The following CSMD1 variants were observed in gnomAD, a reference collection of about 807,000 sequenced individuals.
CSMD1 encodes the protein CUB and Sushi multiple domains 1.
In CSMD1, 213 loss-of-function variants were observed where a neutral mutation model predicts 417.5. The ratio of observed to expected loss-of-function variants is 0.51; its 90% confidence interval spans 0.46 to 0.57. The LOEUF is 0.57. Among genes scored for constraint, CSMD1 ranks in the 20% least tolerant of loss-of-function variants. The pLI, the probability that CSMD1 is intolerant of heterozygous loss-of-function variation, is 0.00. For synonymous variants in CSMD1, 2,862 were observed against 1,736.8 expected, an observed-to-expected ratio of 1.65 and a Z score of -16.11; for missense variants, 6,923 against 4,529.7, an observed-to-expected ratio of 1.53 and a Z score of -15.17.
chr8:3,257,229 C>T (rs1057230145), intron 26 of CSMD1, among the ~76,000 whole-genome samples: 2 of 152,178 alleles, frequency 1.3e-5, no homozygotes, highest in East Asian at 3.9e-4. Flanking sequence ...GAGGCTGAGG[C>T]AGGAGAATCG....
In CSMD1 at chr8:3,343,428, G is replaced by A; in HGVS notation, c.3497C>T (p.Ser1166Phe). 1 of 1,613,680 alleles carries A rather than the reference G, an allele frequency of 6.2e-7. No individual in the cohort carries two copies. Among genetic ancestry groups the A allele is most frequent in the Non-Finnish European group, 8.5e-7 (1 of 1,179,724 alleles). Reference protein sequence around the residue: ...TLKVYDGKDSSSRPLGTFTKN... With the variant: ...TLKVYDGKDSFSRPLGTFTKN... The stretch of plus-strand genomic sequence containing the variant: ...AGTGAACGTGCCCAGTGGACGTGAG[G>A]AACTGTCTTTTCCATCATATACCTG... Residue 1166 changes from serine (S) to phenylalanine (F), a missense_variant, in exon 23 of 70, where the codon TCC becomes TTC. Ser to Phe is a radical substitution (Grantham distance 155). Transcript: ENST00000635120.
intron 4 of CSMD1, among the ~76,000 whole-genome samples, chr8:4,031,411 C>A (rs1036329785): frequency 1.3e-5 from 2 of 152,136 alleles, no homozygotes; most frequent in African/African-American, 4.8e-5. Context: ...CAGGGGAACT[C>A]CTCTTTTTAA....
chr8:3,394,884 T>C (rs1054580296), intron 17 of CSMD1, among the ~76,000 whole-genome samples: 1 of 152,210 alleles, frequency 6.6e-6, no homozygotes. Flanking sequence ...TTGAAATTTG[T>C]CATTAAGTCA....
chr8:4,088,499 CTTT>C (rs1393108217), intron 3 of CSMD1, among the ~76,000 whole-genome samples: 3 of 152,186 alleles, frequency 2.0e-5, no homozygotes, highest in Non-Finnish European at 4.4e-5. Flanking sequence ...CCATCTTCTT[CTTT>C]GTTTTCAACC....
At chr8:4,127,559 C>A (rs1458319549) in intron 3 of CSMD1, among the ~76,000 whole-genome samples, 1 of 151,778 alleles carries the variant, frequency 6.6e-6, no homozygotes, top group African/African-American at 2.4e-5. Flanking sequence ...AGTTTTCCTT[C>A]CTTTCCACAG....
At chr8:4,311,846 G>GATC (rs1798600159) in intron 3 of CSMD1, among the ~76,000 whole-genome samples, 1 of 151,998 alleles carries the variant, frequency 6.6e-6, no homozygotes. Context: ...GAGCGGAAAA[G>GATC]ATCACTGTTA....
intron 51 of CSMD1, among the ~76,000 whole-genome samples, chr8:3,028,409 A>G (rs1810105436): frequency 6.6e-6 from 1 of 152,118 alleles, no homozygotes; most frequent in South Asian, 2.1e-4. Flanking sequence ...ACCCATCCAA[A>G]CCAGGACACC....
chr8:4,265,070 C>T (rs948385264), intron 3 of CSMD1, among the ~76,000 whole-genome samples: 2 of 152,068 alleles, frequency 1.3e-5, no homozygotes, highest in Non-Finnish European at 2.9e-5. Context: ...AAAGGCTGCT[C>T]CTTATATAGA....
In CSMD1 at chr8:3,739,707, G is replaced by A. The variant is rs578129741; in HGVS notation, c.931+14223C>T. 5.9e-5 allele frequency among the ~76,000 whole-genome samples: 9 copies of A among 152,206 alleles called. No individual in the cohort carries two copies. In the East Asian group the frequency reaches 1.5e-3, roughly 26 times the overall value. ...AAGACTGTACCACATGGCATAATGG[G>A]TATTATAAGTTTTAAACTATTGATC... On this transcript the variant is annotated intron_variant, in intron 6 of 69. Coordinates refer to ENST00000635120, the MANE Select transcript of CSMD1 (RefSeq NM_033225.6).
intron 5 of CSMD1, among the ~76,000 whole-genome samples, chr8:3,782,667 C>T (rs970015744): frequency 6.6e-6 from 1 of 152,116 alleles, no homozygotes; most frequent in Non-Finnish European, 1.5e-5. Context: ...TATATATTCT[C>T]AGAGTCAACA....
intron 10 of CSMD1, among the ~76,000 whole-genome samples, chr8:3,497,499 G>C (rs1005389950): frequency 6.6e-6 from 1 of 152,048 alleles, no homozygotes; most frequent in African/African-American, 2.4e-5. Context: ...CTGTCTCCTG[G>C]GTTTAAGCAA....
chr8:3,457,747 G>A (rs992716893), intron 12 of CSMD1, among the ~76,000 whole-genome samples: 1 of 152,074 alleles, frequency 6.6e-6, no homozygotes, highest in Non-Finnish European at 1.5e-5. Flanking sequence ...AATAATAAAG[G>A]TAATGAGAAA....
At chr8:4,008,815 T>G (rs1323606779) in intron 4 of CSMD1, among the ~76,000 whole-genome samples, 1 of 151,944 alleles carries the variant, frequency 6.6e-6, no homozygotes, top group South Asian at 2.1e-4. Context: ...TTTCAATGTG[T>G]TAGCCAGGAT....
At chr8:4,041,434 C>T (rs112266511) in intron 3 of CSMD1, among the ~76,000 whole-genome samples, 4 of 152,148 alleles carry the variant, frequency 2.6e-5, no homozygotes, top group African/African-American at 9.7e-5. Context: ...CAACTTCTTT[C>T]GTGCCTCAAC....
At chr8:4,791,645 G>A (rs1160770896) in intron 1 of CSMD1, among the ~76,000 whole-genome samples, 5 of 152,286 alleles carry the variant, frequency 3.3e-5, no homozygotes, top group East Asian at 3.9e-4. Context: ...ACTTAAAAAT[G>A]GGCCCAACAC....
chr8:4,110,390 G>A (rs755086622), intron 3 of CSMD1, among the ~76,000 whole-genome samples: 1 of 152,104 alleles, frequency 6.6e-6, no homozygotes, highest in South Asian at 2.1e-4. Context: ...AAGTCAGCCA[G>A]CAGAAAGAGT....
intron 41 of CSMD1, among the ~76,000 whole-genome samples, chr8:3,124,276 G>A (rs763572525): frequency 2.6e-5 from 4 of 151,996 alleles, no homozygotes; most frequent in Non-Finnish European, 4.4e-5. Flanking sequence ...CTAGAAATGC[G>A]TCTTACTCTG....
intron 3 of CSMD1, among the ~76,000 whole-genome samples, chr8:4,153,723 C>T (rs551286336): frequency 3.1e-4 from 47 of 152,314 alleles, no homozygotes; most frequent in African/African-American, 1.0e-3. Context: ...TATAAGAACC[C>T]ATGCAGTGGG....
chr8:3,597,817 C>T (rs916070723), intron 8 of CSMD1, among the ~76,000 whole-genome samples: 4 of 151,982 alleles, frequency 2.6e-5, no homozygotes, highest in Non-Finnish European at 5.9e-5. Flanking sequence ...AGGGGAACAT[C>T]ACACACCGGG....
Sources: gnomAD v4.1 joint callset for allele counts (sites outside exome capture counted in the v4.1 genomes callset) on GRCh38, gnomAD v4.1.1 for gene constraint, MANE v1.5 for transcripts, NCBI Gene and HGNC (gene_info 2026-07-23, HGNC 2026-07-21) for gene names.